PTPRM: variants seen among roughly 807,000 people sequenced by gnomAD.
The protein encoded by PTPRM is receptor-type tyrosine-protein phosphatase mu.
In PTPRM, 47 loss-of-function variants were observed where a neutral mutation model predicts 186.7. The ratio of observed to expected loss-of-function variants is 0.25; its 90% CI spans 0.20 to 0.32. The LOEUF is 0.32. Among genes scored for constraint, PTPRM ranks in the 10% least tolerant of loss-of-function variants. The pLI is 1.00. For synonymous variants in PTPRM, 668 were observed against 674.9 expected, an observed-to-expected ratio of 0.99 and a Z score of 0.16; for missense variants, 1,494 against 1,865.0, an observed-to-expected ratio of 0.80 and a Z score of 3.66.
At chr18:7,734,531 A>G (rs2040726905) in intron 1 of PTPRM, among the ~76,000 whole-genome samples, 1 of 152,206 alleles carries the variant, frequency 6.6e-6, no homozygotes, top group African/African-American at 2.4e-5. Flanking sequence ...ACAGATAAAC[A>G]TTTTTGGGAG....
chr18:7,646,808 G>A (rs2038575288), intron 1 of PTPRM, among the ~76,000 whole-genome samples: 1 of 152,050 alleles, frequency 6.6e-6, no homozygotes, highest in Non-Finnish European at 1.5e-5. Context: ...AGTTATTTGA[G>A]TAACCTATGC....
At chr18:7,835,316 C>G (rs1784173851) in intron 2 of PTPRM, among the ~76,000 whole-genome samples, 1 of 149,796 alleles carries the variant, frequency 6.7e-6, no homozygotes, top group African/African-American at 2.5e-5. Context: ...TTTTTAATTT[C>G]CTTCTTAATT....
At chr18:7,575,464 T>C (rs907585794) in intron 1 of PTPRM, among the ~76,000 whole-genome samples, 3 of 152,172 alleles carry the variant, frequency 2.0e-5, no homozygotes, top group Non-Finnish European at 4.4e-5. Flanking sequence ...TTAGTGGGAG[T>C]TGTAGTTCCA....
intron 32 of PTPRM, among the ~76,000 whole-genome samples, chr18:8,397,309 C>T (rs930315756): frequency 6.6e-6 from 1 of 152,230 alleles, no homozygotes; most frequent in African/African-American, 2.4e-5. Flanking sequence ...CACAGAGGGA[C>T]GCTGTGTCTC....
intron 15 of PTPRM, among the ~76,000 whole-genome samples, chr18:8,246,342 A>T (rs1438767747): frequency 6.6e-6 from 1 of 152,204 alleles, no homozygotes; most frequent in East Asian, 1.9e-4. Context: ...AGAATTTAAA[A>T]ATAAGCATGA....
chr18:7,690,117 C>T (rs1479636631), intron 1 of PTPRM, among the ~76,000 whole-genome samples: 2 of 152,122 alleles, frequency 1.3e-5, no homozygotes, highest in Non-Finnish European at 2.9e-5. Flanking sequence ...GCAGCAAATC[C>T]TGAATTGTGA....
chr18:8,064,524 A>G (rs1412187670), intron 7 of PTPRM, among the ~76,000 whole-genome samples: 1 of 152,192 alleles, frequency 6.6e-6, no homozygotes, highest in Non-Finnish European at 1.5e-5. Context: ...TTTTGTTATG[A>G]TAAAATGTGA....
chr18:8,007,359 G>A (rs531394742), intron 7 of PTPRM, among the ~76,000 whole-genome samples: 1 of 152,110 alleles, frequency 6.6e-6, no homozygotes, highest in East Asian at 1.9e-4. Context: ...GAATCATGTG[G>A]ATCAGATTGT....
Position 8,398,896 on chromosome 18 carries a change from G to A in PTPRM, c.4344+4285G>A, listed in dbSNP as rs181939278. Among the ~76,000 whole-genome samples, 389 of 152,218 alleles carry A rather than the reference G, an allele frequency of 2.6e-3. 1 individual carries two copies. The highest frequency in any genetic ancestry group is 9.0e-3 in the African/African-American group (375 of 41,530). On this transcript the variant is annotated intron_variant, in intron 32 of 32. Coordinates refer to ENST00000580170, the MANE Select transcript of PTPRM (RefSeq NM_001105244.2). Reference sequence around the variant, plus strand: ...AGTAGAGTAGTGGCTGCTGAGGGCTGGGGGAGGGAGATGGGGGTGACTGCT... The same window carrying A: ...AGTAGAGTAGTGGCTGCTGAGGGCTAGGGGAGGGAGATGGGGGTGACTGCT...
At chr18:8,179,779 C>G (rs980609200) in intron 14 of PTPRM, among the ~76,000 whole-genome samples, 1 of 152,108 alleles carries the variant, frequency 6.6e-6, no homozygotes, top group Non-Finnish European at 1.5e-5. Flanking sequence ...AAATATCCCT[C>G]TTTTTAAACA....
intron 25 of PTPRM, 72 bp downstream of exon 25, chr18:8,376,272 T>C: frequency 6.4e-7 from 1 of 1,571,978 alleles, no homozygotes; most frequent in South Asian, 1.1e-5. Context: ...TTGGGGATGA[T>C]GAGTATGTTT....
At chr18:7,610,908 C>T (rs73387544) in intron 1 of PTPRM, among the ~76,000 whole-genome samples, 15,196 of 151,980 alleles carry the variant, frequency 0.1, 1,481 homozygotes, top group East Asian at 0.42. Context: ...TAGAAGAAGG[C>T]GTTGTTATTC....
At chr18:8,143,869 GGCTT>G in intron 14 of PTPRM, 90 bp downstream of exon 14, 1 of 1,493,080 alleles carries the variant, frequency 6.7e-7, no homozygotes, top group South Asian at 1.2e-5. Context: ...TTACTGAACT[GGCTT>G]TGATAACCCA....
chr18:7,778,117 G>A (rs931862216), intron 2 of PTPRM, among the ~76,000 whole-genome samples: 1 of 152,104 alleles, frequency 6.6e-6, no homozygotes, highest in African/African-American at 2.4e-5. Flanking sequence ...GTATAGATTT[G>A]TTTCCCCATA....
At chr18:7,898,326 G>A (rs2146465098) in intron 3 of PTPRM, among the ~76,000 whole-genome samples, 1 of 152,246 alleles carries the variant, frequency 6.6e-6, no homozygotes, top group Middle Eastern at 3.4e-3. Flanking sequence ...ACTTCCACCA[G>A]CACATTTTCC....
At chr18:7,626,243 T>A (rs1170784829) in intron 1 of PTPRM, among the ~76,000 whole-genome samples, 1 of 152,246 alleles carries the variant, frequency 6.6e-6, no homozygotes, top group Non-Finnish European at 1.5e-5. Flanking sequence ...TCAGGTAATA[T>A]GACATAGGAA....
At chr18:7,775,384 A>G (rs558736065) in intron 2 of PTPRM, among the ~76,000 whole-genome samples, 2 of 152,286 alleles carry the variant, frequency 1.3e-5, no homozygotes, top group Admixed American at 6.5e-5. Context: ...GCTGTTGAAT[A>G]TGACTGTTTA....
At chr18:7,695,996 T>G (rs1378780340) in intron 1 of PTPRM, among the ~76,000 whole-genome samples, 3 of 152,244 alleles carry the variant, frequency 2.0e-5, no homozygotes, top group African/African-American at 7.2e-5. Context: ...AATATTCTAG[T>G]GTCAGAAATC....
At chr18:7,916,417 G>A (rs1376209155) in intron 4 of PTPRM, among the ~76,000 whole-genome samples, 1 of 152,110 alleles carries the variant, frequency 6.6e-6, no homozygotes, top group African/African-American at 2.4e-5. Context: ...AAAGATTATA[G>A]AAGTTAGTAC....
Sources: allele counts gnomAD v4.1 joint callset (sites outside exome capture counted in the v4.1 genomes callset), GRCh38; gene constraint gnomAD v4.1.1; transcripts MANE v1.5; gene names NCBI Gene and HGNC (gene_info 2026-07-23, HGNC 2026-07-21).